The following LOC128462377 variants were observed in gnomAD, a reference collection of about 807,000 sequenced individuals.
At chr16:89,380,922 G>A in the LOC128462377 span, among the ~76,000 whole-genome samples, 1 of 152,316 alleles carries the variant, frequency 6.6e-6, no homozygotes, top group East Asian at 1.9e-4. Flanking sequence ...GCAGGCAGAC[G>A]GAGCACGCAT....
the LOC128462377 span, among the ~76,000 whole-genome samples, chr16:89,352,898 C>T: frequency 1.3e-5 from 2 of 152,154 alleles, no homozygotes; most frequent in South Asian, 2.1e-4. Context: ...TTCTACTTCA[C>T]GGCATGTTTA....
the LOC128462377 span, among the ~76,000 whole-genome samples, chr16:89,381,652 T>C: frequency 1.5e-4 from 23 of 152,170 alleles, no homozygotes; most frequent in African/African-American, 5.1e-4. Context: ...CTGTCACAAA[T>C]GCGCATCACA....
chr16:89,319,193 A>T, the LOC128462377 span, among the ~76,000 whole-genome samples: 2 of 152,366 alleles, frequency 1.3e-5, no homozygotes, highest in East Asian at 3.9e-4. Context: ...GACACACTCA[A>T]CAGCTCTGGC....
chr16:89,391,894 C>G, the LOC128462377 span, among the ~76,000 whole-genome samples: 2 of 152,234 alleles, frequency 1.3e-5, no homozygotes, highest in African/African-American at 2.4e-5. Flanking sequence ...TCTTAGCTCC[C>G]ACAATTTAGC....
the LOC128462377 span, among the ~76,000 whole-genome samples, chr16:89,329,588 CAG>C: frequency 2.7e-5 from 4 of 150,070 alleles, no homozygotes; most frequent in African/African-American, 9.9e-5. Flanking sequence ...TAACTAGAAA[CAG>C]AAAAAAATTT....
the LOC128462377 span, among the ~76,000 whole-genome samples, chr16:89,346,718 G>A: frequency 2.0e-5 from 3 of 152,182 alleles, no homozygotes; most frequent in Non-Finnish European, 4.4e-5. Context: ...AGCAAGGTGG[G>A]AGATCCAGGT....
the LOC128462377 span, among the ~76,000 whole-genome samples, chr16:89,385,839 G>A: frequency 1.3e-5 from 2 of 152,236 alleles, no homozygotes; most frequent in African/African-American, 2.4e-5. Context: ...CGGGGATTAG[G>A]CCAGACACCA....
the LOC128462377 span, among the ~76,000 whole-genome samples, chr16:89,365,983 G>A: frequency 1.8e-4 from 27 of 151,888 alleles, no homozygotes; most frequent in African/African-American, 6.5e-4. Flanking sequence ...TCCCTGCATT[G>A]GTTTGTTAAG....
chr16:89,348,672 A>T, the LOC128462377 span, among the ~76,000 whole-genome samples: 1 of 152,214 alleles, frequency 6.6e-6, no homozygotes, highest in Admixed American at 6.5e-5. Flanking sequence ...AGTAAGCTGA[A>T]CTAGTTTAAG....
At chr16:89,330,776 C>T in the LOC128462377 span, among the ~76,000 whole-genome samples, 1 of 151,552 alleles carries the variant, frequency 6.6e-6, no homozygotes, top group South Asian at 2.1e-4. Context: ...CTCTAGCCCA[C>T]ACTCTGCAGA....
chr16:89,369,245 C>A, the LOC128462377 span, among the ~76,000 whole-genome samples: 3 of 151,762 alleles, frequency 2.0e-5, no homozygotes, highest in Non-Finnish European at 1.5e-5. Context: ...GGCAGTGCAG[C>A]GACCTACACC....
At chr16:89,346,970 A>G in the LOC128462377 span, among the ~76,000 whole-genome samples, 1 of 152,236 alleles carries the variant, frequency 6.6e-6, no homozygotes, top group Non-Finnish European at 1.5e-5. Flanking sequence ...CAACTAGACA[A>G]AATAGGAAGG....
At chr16:89,417,431 G>A in the LOC128462377 span, among the ~76,000 whole-genome samples, 5 of 152,120 alleles carry the variant, frequency 3.3e-5, no homozygotes, top group African/African-American at 4.8e-5. Flanking sequence ...TTCACCATGC[G>A]TCTCTGGAAG....
the LOC128462377 span, among the ~76,000 whole-genome samples, chr16:89,344,161 G>C: frequency 6.6e-6 from 1 of 152,178 alleles, no homozygotes; most frequent in Non-Finnish European, 1.5e-5. Context: ...GAGCACACAC[G>C]GGCAACCCTG....
the LOC128462377 span, among the ~76,000 whole-genome samples, chr16:89,361,170 C>T: frequency 6.6e-6 from 1 of 152,220 alleles, no homozygotes; most frequent in Non-Finnish European, 1.5e-5. Flanking sequence ...TGAAACCCTG[C>T]TCAGCTACCC....
At chr16:89,355,126 C>T in the LOC128462377 span, among the ~76,000 whole-genome samples, 1 of 152,212 alleles carries the variant, frequency 6.6e-6, no homozygotes, top group East Asian at 1.9e-4. Flanking sequence ...CCTGTGGTCT[C>T]CCGTCTGGCC....
the LOC128462377 span, among the ~76,000 whole-genome samples, chr16:89,319,738 A>T: frequency 6.6e-6 from 1 of 152,240 alleles, no homozygotes; most frequent in South Asian, 2.1e-4. Flanking sequence ...GCTGCCATCT[A>T]GCCCAGGCTA....
chr16:89,373,802 G>A, the LOC128462377 span, among the ~76,000 whole-genome samples: 1 of 152,250 alleles, frequency 6.6e-6, no homozygotes, highest in African/African-American at 2.4e-5. Context: ...ACACCTGACA[G>A]ACGCCTGTGT....
At chr16:89,367,580 T>C in the LOC128462377 span, among the ~76,000 whole-genome samples, 1 of 152,096 alleles carries the variant, frequency 6.6e-6, no homozygotes, top group Non-Finnish European at 1.5e-5. Flanking sequence ...TCCTGACCCG[T>C]CCCTCCTCAG....
Sources: gnomAD v4.1 joint callset for allele counts (sites outside exome capture counted in the v4.1 genomes callset) on GRCh38, gnomAD v4.1.1 for gene constraint, MANE v1.5 for transcripts.